Variants in EFHD1 observed in about 807,000 individuals in gnomAD.
EFHD1 encodes EF-hand domain-containing protein D1.
In EFHD1, 10 loss-of-function variants were observed where a neutral mutation model predicts 17.2. That is an observed-to-expected ratio of 0.58 (90% CI 0.36 to 0.99). The LOEUF (loss-of-function observed/expected upper bound fraction) is 0.99. Ranked by LOEUF, EFHD1 falls within the 50% of genes least tolerant of loss-of-function variation. The pLI is 0.01. For missense variants in EFHD1, 310 were observed against 327.5 expected, an observed-to-expected ratio of 0.95 and a Z score of 0.41; for synonymous variants, 153 against 142.0, an observed-to-expected ratio of 1.08 and a Z score of -0.55.
intron 1 of EFHD1, among the ~76,000 whole-genome samples, chr2:232,647,061 C>G (rs116611040): frequency 0.014 from 2,094 of 152,374 alleles, 61 homozygotes; most frequent in African/African-American, 0.049. Context: ...CCCACACGGG[C>G]ACACACCTGT....
At chr2:232,646,289 C>T (rs867472928) in intron 1 of EFHD1, among the ~76,000 whole-genome samples, 9 of 152,240 alleles carry the variant, frequency 5.9e-5, no homozygotes, top group African/African-American at 1.7e-4. Context: ...TTCTCTCTCT[C>T]TGGTTCCCCC....
At chr2:232,620,609 G>A (rs556568721) in intron 1 of EFHD1, among the ~76,000 whole-genome samples, 77 of 151,862 alleles carry the variant, frequency 5.1e-4, no homozygotes, top group Admixed American at 4.1e-3. Flanking sequence ...CCTTATTATT[G>A]TTTTGTAAGA....
chr2:232,626,562 A>T (rs925506392), intron 1 of EFHD1, among the ~76,000 whole-genome samples: 52 of 152,224 alleles, frequency 3.4e-4, no homozygotes, highest in African/African-American at 1.2e-3. Context: ...TAATTAATTA[A>T]TTTATTTATT....
intron 1 of EFHD1, among the ~76,000 whole-genome samples, chr2:232,627,041 TATATA>T (rs1559340026): frequency 5.0e-3 from 408 of 82,184 alleles, no homozygotes; most frequent in African/African-American, 0.019. Flanking sequence ...TCTCTCTATA[TATATA>T]TATATATATA....
At chr2:232,633,526 C>T, upstream of EFHD1, 1 of 1,276,278 alleles carries the variant, frequency 7.8e-7, no homozygotes, top group Non-Finnish European at 9.9e-7. Context: ...CTCCTTAAAG[C>T]CGCAGCTCCG....
chr2:232,613,895 A>C (rs111072189), intron 1 of EFHD1, among the ~76,000 whole-genome samples: 7 of 150,942 alleles, frequency 4.6e-5, no homozygotes, highest in Admixed American at 4.0e-4. Flanking sequence ...TACACACACA[A>C]ACACATACAA....
chr2:232,634,653 G>A (rs1694281882), intron 1 of EFHD1, among the ~76,000 whole-genome samples: 1 of 152,146 alleles, frequency 6.6e-6, no homozygotes, highest in African/African-American at 2.4e-5. Flanking sequence ...GTCCTGCTCT[G>A]TGAGCCCCAG....
At chr2:232,627,390 C>T (rs965438557) in intron 1 of EFHD1, among the ~76,000 whole-genome samples, 3 of 152,040 alleles carry the variant, frequency 2.0e-5, no homozygotes, top group Admixed American at 1.3e-4. Flanking sequence ...AAACAGAGTA[C>T]GTAAAGTTTG....
chr2:232,643,994 T>C (rs1694479689), intron 1 of EFHD1, among the ~76,000 whole-genome samples: 2 of 152,208 alleles, frequency 1.3e-5, no homozygotes, highest in Non-Finnish European at 2.9e-5. Flanking sequence ...TGGGATTCCC[T>C]GTGATTTTTC....
chr2:232,673,907 CTTTTT>C (rs11409819), intron 3 of EFHD1, among the ~76,000 whole-genome samples: 1 of 119,978 alleles, frequency 8.3e-6, no homozygotes, highest in Admixed American at 9.0e-5. Flanking sequence ...AAGACTTCTT[CTTTTT>C]TTTTTTTTTT....
chr2:232,669,504 C>T (rs902822460), intron 2 of EFHD1, among the ~76,000 whole-genome samples: 1 of 151,878 alleles, frequency 6.6e-6, no homozygotes, highest in East Asian at 1.9e-4. Context: ...TTGAGAGCCT[C>T]GGCAGTAATG....
intron 1 of EFHD1, among the ~76,000 whole-genome samples, chr2:232,643,580 T>G (rs1371104180): frequency 6.6e-6 from 1 of 151,722 alleles, no homozygotes; most frequent in African/African-American, 2.4e-5. Flanking sequence ...GAGACGGAGT[T>G]TCACCATGTT....
At chr2:232,676,932 C>T (rs540586008) in intron 3 of EFHD1, among the ~76,000 whole-genome samples, 3 of 151,776 alleles carry the variant, frequency 2.0e-5, no homozygotes, top group Admixed American at 2.0e-4. Flanking sequence ...CCCAGGAGTT[C>T]AAGGTTGCAG....
intron 3 of EFHD1, among the ~76,000 whole-genome samples, chr2:232,679,320 T>G (rs1695232898): frequency 6.6e-6 from 1 of 151,978 alleles, no homozygotes; most frequent in Non-Finnish European, 1.5e-5. Context: ...AGCAAAAAAC[T>G]GGGAGAAAGG....
chr2:232,665,968 TG>T (rs1445877897), intron 2 of EFHD1, among the ~76,000 whole-genome samples: 2 of 152,202 alleles, frequency 1.3e-5, no homozygotes, highest in East Asian at 3.8e-4. Flanking sequence ...ATTACAGGCA[TG>T]AGCCCCCACA....
intron 1 of EFHD1, among the ~76,000 whole-genome samples, chr2:232,618,368 A>G (rs1693963069): frequency 6.6e-6 from 1 of 152,216 alleles, no homozygotes; most frequent in Non-Finnish European, 1.5e-5. Context: ...CATTATTCCA[A>G]AGAAGATATA....
intron 2 of EFHD1, among the ~76,000 whole-genome samples, chr2:232,665,638 TCTTGAA>T (rs1283112932): frequency 1.3e-5 from 2 of 152,176 alleles, no homozygotes; most frequent in East Asian, 3.9e-4. Context: ...CCCAGGCTGG[TCTTGAA>T]CTCCTGGCCT....
intron 1 of EFHD1, among the ~76,000 whole-genome samples, chr2:232,614,566 AG>A (rs776830665): frequency 3.9e-5 from 6 of 152,224 alleles, no homozygotes; most frequent in Non-Finnish European, 8.8e-5. Flanking sequence ...CCACCAAATA[AG>A]TCTGCTTTCT....
intron 3 of EFHD1, among the ~76,000 whole-genome samples, chr2:232,680,134 G>T (rs1415673804): frequency 2.6e-5 from 4 of 152,162 alleles, no homozygotes; most frequent in African/African-American, 9.6e-5. Flanking sequence ...TTAGCCAGAC[G>T]TGTGATGACG....
Sources: gnomAD v4.1 joint callset for allele counts (sites outside exome capture counted in the v4.1 genomes callset) on GRCh38, gnomAD v4.1.1 for gene constraint, MANE v1.5 for transcripts, NCBI Gene and HGNC (gene_info 2026-07-23, HGNC 2026-07-21) for gene names.